The following TPST1 variants were observed in gnomAD, a reference collection of about 807,000 sequenced individuals.
The protein encoded by TPST1 is protein-tyrosine sulfotransferase 1.
In TPST1, 20 loss-of-function variants were observed where a neutral mutation model predicts 34.8. The observed-to-expected ratio is 0.57, with a 90% CI of 0.40 to 0.84. TPST1 has a LOEUF of 0.84. Ranked by LOEUF, TPST1 falls within the 40% of genes least tolerant of loss-of-function variation. The pLI, the probability that TPST1 is intolerant of heterozygous loss-of-function variation, is 0.00. For missense variants in TPST1, 353 were observed against 455.5 expected, an observed-to-expected ratio of 0.78 and a Z score of 2.05; for synonymous variants, 152 against 159.4, an observed-to-expected ratio of 0.95 and a Z score of 0.35.
chr7:66,283,132 G>A (rs1386907076), intron 2 of TPST1, among the ~76,000 whole-genome samples: 2 of 152,058 alleles, frequency 1.3e-5, no homozygotes, highest in African/African-American at 2.4e-5. Context: ...GTATGGTGGT[G>A]GCCTGTAATC....
chr7:66,229,598 T>C (rs971757113), intron 1 of TPST1, among the ~76,000 whole-genome samples: 1 of 152,248 alleles, frequency 6.6e-6, no homozygotes, highest in Non-Finnish European at 1.5e-5. Context: ...TAGACATTTA[T>C]GTACAGGTTT....
At chr7:66,335,673 G>A (rs142271871) in intron 3 of TPST1, among the ~76,000 whole-genome samples, 1 of 152,106 alleles carries the variant, frequency 6.6e-6, no homozygotes, top group African/African-American at 2.4e-5. Flanking sequence ...TTCTGTTTTA[G>A]TGCAATGTTT....
chr7:66,227,847 A>C lies in TPST1; in HGVS notation c.-101-12478A>C, dbSNP rs62465551. 3.8e-3 allele frequency among the ~76,000 whole-genome samples: 585 copies of C among 152,192 alleles called. 3 individuals carry two copies. The highest frequency in any genetic ancestry group is 7.2e-3 in the Non-Finnish European group (493 of 68,020). Reference sequence around the variant, plus strand: ...TCCCTTACCTAACAATTCCTCTTCTAAAATTTAGTTTAAGAAAACAATCGT... The same window carrying C: ...TCCCTTACCTAACAATTCCTCTTCTCAAATTTAGTTTAAGAAAACAATCGT... On this transcript the variant is annotated intron_variant, in intron 1 of 5. Transcript: ENST00000304842.
intron 2 of TPST1, among the ~76,000 whole-genome samples, chr7:66,271,951 T>A (rs1196874902): frequency 6.6e-6 from 1 of 152,076 alleles, no homozygotes; most frequent in African/African-American, 2.4e-5. Context: ...ACAGAAAAAA[T>A]TTGCTGACAT....
At chr7:66,294,380 T>C (rs1306026157) in intron 3 of TPST1, among the ~76,000 whole-genome samples, 1 of 152,226 alleles carries the variant, frequency 6.6e-6, no homozygotes, top group Non-Finnish European at 1.5e-5. Context: ...AACCGTATCA[T>C]GTTTTTATTC....
intron 2 of TPST1, among the ~76,000 whole-genome samples, chr7:66,271,098 C>A (rs1790694981): frequency 6.6e-6 from 1 of 152,026 alleles, no homozygotes; most frequent in African/African-American, 2.4e-5. Context: ...TTTCATCTTC[C>A]CAAGAGACCA....
intron 3 of TPST1, among the ~76,000 whole-genome samples, chr7:66,301,610 C>T (rs536835073): frequency 2.3e-4 from 35 of 152,272 alleles, no homozygotes; most frequent in African/African-American, 7.7e-4. Context: ...GATTATTAAT[C>T]GGCCTTTTTT....
intron 3 of TPST1, among the ~76,000 whole-genome samples, chr7:66,304,787 C>T (rs1028709084): frequency 1.3e-5 from 2 of 151,742 alleles, no homozygotes; most frequent in African/African-American, 4.8e-5. Flanking sequence ...TATCCTAAAA[C>T]TTACATATAC....
chr7:66,322,392 C>G (rs993931174), intron 3 of TPST1, among the ~76,000 whole-genome samples: 9 of 152,214 alleles, frequency 5.9e-5, no homozygotes, highest in Non-Finnish European at 1.2e-4. Flanking sequence ...CAATAACTCT[C>G]CATTCTTCTT....
chr7:66,216,474 T>C (rs1390530198), intron 1 of TPST1, among the ~76,000 whole-genome samples: 1 of 140,292 alleles, frequency 7.1e-6, no homozygotes, highest in East Asian at 2.4e-4. Flanking sequence ...TTGCTCTTTT[T>C]CTTTTTTTTT....
chr7:66,308,982 T>C (rs1791477843), intron 3 of TPST1, among the ~76,000 whole-genome samples: 1 of 152,236 alleles, frequency 6.6e-6, no homozygotes, highest in Non-Finnish European at 1.5e-5. Flanking sequence ...CATTGCAACC[T>C]CTGCCTTCCG....
chr7:66,334,635 CAA>C (rs60341796), intron 3 of TPST1, among the ~76,000 whole-genome samples: 8 of 112,754 alleles, frequency 7.1e-5, no homozygotes, highest in Admixed American at 9.6e-5. Flanking sequence ...GACTCCATCT[CAA>C]AAAAAAAAAA....
At chr7:66,227,077 A>G (rs1445577995) in intron 1 of TPST1, among the ~76,000 whole-genome samples, 1 of 113,468 alleles carries the variant, frequency 8.8e-6, no homozygotes, top group Non-Finnish European at 1.6e-5. Flanking sequence ...TCTGTCGCCC[A>G]AGCTGGAGTG....
At chr7:66,207,146 T>C (rs1264290291) in intron 1 of TPST1, among the ~76,000 whole-genome samples, 3 of 152,224 alleles carry the variant, frequency 2.0e-5, no homozygotes, top group South Asian at 2.1e-4. Flanking sequence ...ATCATATAAC[T>C]AAACTGCTGG....
chr7:66,250,159 A>G (rs1584175164), intron 2 of TPST1, among the ~76,000 whole-genome samples: 1 of 152,214 alleles, frequency 6.6e-6, no homozygotes, highest in East Asian at 1.9e-4. Flanking sequence ...GCCAGGCAGT[A>G]TGCTGAGCTC....
chr7:66,231,730 C>A (rs1562805632), intron 1 of TPST1, among the ~76,000 whole-genome samples: 1 of 152,258 alleles, frequency 6.6e-6, no homozygotes, highest in East Asian at 1.9e-4. Context: ...CCCTCCACAC[C>A]ACCCTGCAAG....
At chr7:66,267,361 G>A (rs530665485) in intron 2 of TPST1, among the ~76,000 whole-genome samples, 4 of 152,216 alleles carry the variant, frequency 2.6e-5, no homozygotes, top group South Asian at 4.1e-4. Flanking sequence ...GTTATTTCAC[G>A]CTGGAGGACC....
At chr7:66,350,021 ATTCT>A in intron 3 of TPST1, among the ~76,000 whole-genome samples, 1 of 151,836 alleles carries the variant, frequency 6.6e-6, no homozygotes. Context: ...AGAACAAATG[ATTCT>A]TTTTTTCGAG....
chr7:66,274,809 C>G (rs535961381), intron 2 of TPST1, among the ~76,000 whole-genome samples: 1 of 152,050 alleles, frequency 6.6e-6, no homozygotes, highest in Non-Finnish European at 1.5e-5. Flanking sequence ...AAATGGCCAA[C>G]AGTTATATGA....
Sources: gnomAD v4.1 joint callset for allele counts (sites outside exome capture counted in the v4.1 genomes callset) on GRCh38, gnomAD v4.1.1 for gene constraint, MANE v1.5 for transcripts, NCBI Gene and HGNC (gene_info 2026-07-23, HGNC 2026-07-21) for gene names.